DNAAF11: variants seen among roughly 807,000 people sequenced by gnomAD.
The protein encoded by DNAAF11 is leucine rich repeat containing 6.
A neutral mutation model predicts 60.8 loss-of-function variants in DNAAF11; 45 were observed. The observed-to-expected ratio is 0.74, with a 90% CI of 0.58 to 0.95. The LOEUF (loss-of-function observed/expected upper bound fraction) is 0.95, where lower values mean the gene tolerates loss of function less well. DNAAF11 is among the 40% of genes least tolerant of loss of function. DNAAF11 has a pLI of 0.00. For synonymous variants in DNAAF11, 191 were observed against 183.5 expected (o/e 1.04, Z -0.33); for missense variants, 546 against 546.2 (o/e 1.00, Z 0.00).
intron 7 of DNAAF11, among the ~76,000 whole-genome samples, chr8:132,619,532 C>T (rs1037621754): frequency 1.3e-5 from 2 of 151,910 alleles, no homozygotes; most frequent in African/African-American, 2.4e-5. Flanking sequence ...GACTAAGAAT[C>T]GAACACTGAA....
At chr8:132,621,215 A>C (rs1819727993) in intron 7 of DNAAF11, among the ~76,000 whole-genome samples, 1 of 152,228 alleles carries the variant, frequency 6.6e-6, no homozygotes, top group Admixed American at 6.5e-5. Context: ...AACAGCTGTC[A>C]GCCACAGAAG....
rs1201002321 is a variant in DNAAF11 at position 132,571,331 on chromosome 8, A to G, written c.*975T>C. On this transcript the variant is annotated 3_prime_UTR_variant, in exon 12 of 12. Transcript: ENST00000620350. ...CTCAATAAGTATTTGTTGAATGAAT[A>G]TTTGGGGAAACTGACTTAAATGTTG... Among the ~76,000 whole-genome samples the G allele has an allele frequency of 6.6e-6, 1 of 152,176 alleles. No homozygotes were observed. The highest frequency in any genetic ancestry group is 1.5e-5 in the Non-Finnish European group (1 of 68,036).
At chr8:132,699,834 A>G in the DNAAF11 span, among the ~76,000 whole-genome samples, 1 of 152,236 alleles carries the variant, frequency 6.6e-6, no homozygotes, top group Non-Finnish European at 1.5e-5. Flanking sequence ...TGTTAAGTGA[A>G]ACAAACCAAA....
chr8:132,666,702 G>C (rs533782922), intron 1 of DNAAF11, among the ~76,000 whole-genome samples: 1 of 152,352 alleles, frequency 6.6e-6, no homozygotes, highest in East Asian at 1.9e-4. Flanking sequence ...GGAAGCAAGT[G>C]TATCTTCTTT....
intron 10 of DNAAF11, chr8:132,608,611 C>T (rs1818346384): frequency 3.0e-6 from 1 of 329,026 alleles, no homozygotes; most frequent in African/African-American, 2.1e-5. Flanking sequence ...AGCAGAGTCT[C>T]TATTTAATCT....
At chr8:132,678,924 C>G (rs1825826555), upstream of DNAAF11, among the ~76,000 whole-genome samples, 1 of 152,048 alleles carries the variant, frequency 6.6e-6, no homozygotes, top group African/African-American at 2.4e-5. Context: ...CTCAAGTATT[C>G]TGTTCATTCA....
intron 1 of DNAAF11, among the ~76,000 whole-genome samples, chr8:132,670,892 A>G (rs911573107): frequency 7.9e-5 from 12 of 152,188 alleles, no homozygotes; most frequent in African/African-American, 2.7e-4. Flanking sequence ...GACAAAATCC[A>G]CCATCCATTC....
At chr8:132,639,102 T>C (rs1211964823) in intron 3 of DNAAF11, among the ~76,000 whole-genome samples, 1 of 152,232 alleles carries the variant, frequency 6.6e-6, no homozygotes, top group Non-Finnish European at 1.5e-5. Context: ...GAGCTATGAT[T>C]AGAATAGCTC....
chr8:132,622,914 A>G (rs567487031), intron 6 of DNAAF11: 1 of 387,400 alleles, frequency 2.6e-6, no homozygotes, highest in African/African-American at 2.1e-5. Context: ...GTATCTGTAC[A>G]GCAAAAAAAT....
At chr8:132,675,250 C>T in intron 1 of DNAAF11, 1 of 451,900 alleles carries the variant, frequency 2.2e-6, no homozygotes, top group Non-Finnish European at 4.0e-6. Flanking sequence ...TCCCACGGCC[C>T]CGCCCATTTT....
chr8:132,697,611 C>A, the DNAAF11 span, among the ~76,000 whole-genome samples: 2 of 135,350 alleles, frequency 1.5e-5, no homozygotes, highest in African/African-American at 5.7e-5. Flanking sequence ...GAGCGAGACC[C>A]CATCTCAAAA....
At chr8:132,675,162 T>C (rs1240804539) in intron 1 of DNAAF11, 7 of 356,906 alleles carry the variant, frequency 2.0e-5, no homozygotes, top group Non-Finnish European at 3.5e-5. Context: ...CGGAACGTGG[T>C]GTGTCTGGCG....
intron 1 of DNAAF11, among the ~76,000 whole-genome samples, chr8:132,668,441 T>G (rs1473179907): frequency 6.6e-6 from 1 of 150,882 alleles, no homozygotes; most frequent in East Asian, 2.0e-4. Context: ...GGAGGAGGAG[T>G]CTGAGCTGAA....
At chr8:132,574,607 C>T (rs1479698489) in intron 11 of DNAAF11, among the ~76,000 whole-genome samples, 1 of 152,210 alleles carries the variant, frequency 6.6e-6, no homozygotes, top group African/African-American at 2.4e-5. Context: ...CTGGACTTAG[C>T]CTTTTGCTGA....
intron 3 of DNAAF11, among the ~76,000 whole-genome samples, chr8:132,650,449 A>G (rs998714821): frequency 6.6e-6 from 1 of 152,230 alleles, no homozygotes; most frequent in Non-Finnish European, 1.5e-5. Context: ...GCACACCAAC[A>G]TGGCACATGT....
chr8:132,694,538 C>A, the DNAAF11 span, among the ~76,000 whole-genome samples: 44,523 of 152,050 alleles, frequency 0.29, 6,787 homozygotes, highest in East Asian at 0.38. Context: ...TTAAGCCACT[C>A]AGTTTATAAT....
intron 1 of DNAAF11, among the ~76,000 whole-genome samples, chr8:132,669,537 C>A (rs1824968309): frequency 6.6e-6 from 1 of 152,144 alleles, no homozygotes; most frequent in South Asian, 2.1e-4. Context: ...CTGCTAAACA[C>A]AACTGATCAG....
intron 3 of DNAAF11, among the ~76,000 whole-genome samples, chr8:132,641,397 G>A (rs887093694): frequency 1.3e-5 from 2 of 152,108 alleles, no homozygotes; most frequent in South Asian, 2.1e-4. Flanking sequence ...TTTATGACCT[G>A]TCTTCCCCAT....
At chr8:132,603,557 G>A (rs1227229085) in intron 10 of DNAAF11, among the ~76,000 whole-genome samples, 1 of 151,904 alleles carries the variant, frequency 6.6e-6, no homozygotes, top group African/African-American at 2.4e-5. Context: ...TTAGTAATCT[G>A]GAGGTTATTG....
Sources: gnomAD v4.1 joint callset for allele counts (sites outside exome capture counted in the v4.1 genomes callset) on GRCh38, gnomAD v4.1.1 for gene constraint, MANE v1.5 for transcripts, NCBI Gene and HGNC (gene_info 2026-07-23, HGNC 2026-07-21) for gene names.